Variants in PIN4 observed in about 807,000 individuals in gnomAD.
The protein encoded by PIN4 is peptidyl-prolyl cis-trans isomerase NIMA-interacting 4.
In PIN4, 3 loss-of-function variants were observed where a neutral mutation model predicts 8.3. The observed-to-expected ratio is 0.36, with a 90% CI of 0.16 to 0.93. The LOEUF (loss-of-function observed/expected upper bound fraction) is 0.93. PIN4 is among the 40% of genes least tolerant of loss of function. PIN4 has a pLI of 0.44. For missense variants in PIN4, 75 were observed against 100.6 expected (o/e 0.75, Z 1.09); for synonymous variants, 18 against 32.5 (o/e 0.55, Z 1.52).
chrX:72,194,996 A>G (rs2042756987), intron 2 of PIN4, among the ~76,000 whole-genome samples: 1 of 111,930 alleles, frequency 8.9e-6, no homozygotes, highest in Non-Finnish European at 1.9e-5. Flanking sequence ...AGGCTATGCC[A>G]TATAGCCTAG....
Position 72,228,101 on chromosome X carries a change from C to T in PIN4, c.312+31197C>T, listed in dbSNP as rs113372946. ...AAAAAGTTCTAAGTTGCTAGCCAAT[C>T]GGGACAAATACAGAATGTGAGGTCC... On this transcript the variant is annotated intron_variant, in intron 3 of 3. Coordinates refer to the PIN4 transcript ENST00000423432. 5.4e-3 allele frequency among the ~76,000 whole-genome samples: 600 copies of T among 111,916 alleles called. 3 individuals carry two copies. The highest frequency in any genetic ancestry group is 8.9e-3 in the Non-Finnish European group (472 of 53,171).
intron 3 of PIN4, among the ~76,000 whole-genome samples, chrX:72,254,255 C>A (rs2043099806): frequency 1.8e-5 from 2 of 111,767 alleles, no homozygotes; most frequent in South Asian, 7.5e-4. Flanking sequence ...CTTTTGCTGT[C>A]CCCTTGGCCA....
intron 3 of PIN4, chrX:72,208,247 T>C (rs2042832339): frequency 8.3e-7 from 1 of 1,210,061 alleles, no homozygotes; most frequent in Non-Finnish European, 1.1e-6. Flanking sequence ...TGAAAGGTTT[T>C]GACTCTCATT....
chrX:72,185,689 G>A (rs1460598935), intron 1 of PIN4, among the ~76,000 whole-genome samples: 1 of 112,399 alleles, frequency 8.9e-6, no homozygotes, highest in East Asian at 2.8e-4. Flanking sequence ...TACCATAGTA[G>A]TAAAATGACA....
chrX:72,218,534 C>G (rs2042900685), intron 3 of PIN4, among the ~76,000 whole-genome samples: 1 of 106,169 alleles, frequency 9.4e-6, no homozygotes, highest in Non-Finnish European at 1.9e-5. Flanking sequence ...CGCTCTGTCA[C>G]CCAGGCTGGA....
intron 3 of PIN4, among the ~76,000 whole-genome samples, chrX:72,209,957 T>G (rs2042843201): frequency 9.1e-6 from 1 of 110,369 alleles, no homozygotes; most frequent in East Asian, 2.8e-4. Context: ...GATCTAAATC[T>G]AAGGGCTAAA....
At chrX:72,217,428 T>C (rs1379168374) in intron 3 of PIN4, among the ~76,000 whole-genome samples, 1 of 111,834 alleles carries the variant, frequency 8.9e-6, no homozygotes, top group Non-Finnish European at 1.9e-5. Flanking sequence ...ATAATAAATA[T>C]TACAGAAAGC....
intron 3 of PIN4, among the ~76,000 whole-genome samples, chrX:72,222,888 G>A (rs892031143): frequency 6.5e-5 from 7 of 107,251 alleles, no homozygotes; most frequent in African/African-American, 2.4e-4. Flanking sequence ...GAGCCACTGC[G>A]CCCGGCCTGA....
chrX:72,221,436 G>A (rs184502044), intron 3 of PIN4, among the ~76,000 whole-genome samples: 13 of 110,730 alleles, frequency 1.2e-4, no homozygotes, highest in African/African-American at 4.3e-4. Context: ...AGAGGACGCC[G>A]GGTCTCTGTC....
chrX:72,202,226 T>G (rs781126354), downstream of PIN4, among the ~76,000 whole-genome samples: 1 of 112,815 alleles, frequency 8.9e-6, no homozygotes, highest in Admixed American at 9.4e-5. Context: ...GACACCTGAC[T>G]TCTTCTACCC....
intron 3 of PIN4, among the ~76,000 whole-genome samples, chrX:72,223,509 C>A (rs1161809418): frequency 9.4e-6 from 1 of 106,432 alleles, no homozygotes; most frequent in Non-Finnish European, 1.9e-5. Flanking sequence ...CCTGCCTCAG[C>A]CTCCCGAGTA....
chrX:72,222,298 T>A (rs1315933511), intron 3 of PIN4, among the ~76,000 whole-genome samples: 2 of 111,908 alleles, frequency 1.8e-5, no homozygotes, highest in African/African-American at 6.5e-5. Flanking sequence ...TAACTTGGCA[T>A]GATATTTATA....
At chrX:72,262,925 G>C (rs1435813260) in exon 4 of PIN4, 2 of 415,028 alleles carry the variant, frequency 4.8e-6, no homozygotes, top group East Asian at 8.3e-5. Flanking sequence ...TTTTGTTTTT[G>C]TTTTCAGAAA....
At chrX:72,254,706 A>C (rs777255308) in intron 3 of PIN4, among the ~76,000 whole-genome samples, 24 of 112,514 alleles carry the variant, frequency 2.1e-4, no homozygotes, top group Non-Finnish European at 3.7e-4. Flanking sequence ...ATTAGCAAAA[A>C]GTCTGATCTA....
intron 2 of PIN4, among the ~76,000 whole-genome samples, chrX:72,193,155 G>A (rs758931320): frequency 2.7e-5 from 3 of 111,405 alleles, no homozygotes; most frequent in East Asian, 5.6e-4. Context: ...ACTCTTTGTC[G>A]CACTGTCTAA....
chrX:72,220,980 G>T (rs1364415130), intron 3 of PIN4, among the ~76,000 whole-genome samples: 2 of 111,752 alleles, frequency 1.8e-5, no homozygotes, highest in East Asian at 5.6e-4. Context: ...TTAATTCCTG[G>T]ATCCTGAGGG....
chrX:72,182,434 C>G (rs1322191166), intron 1 of PIN4, among the ~76,000 whole-genome samples: 2 of 110,231 alleles, frequency 1.8e-5, no homozygotes, highest in Admixed American at 1.9e-4. Flanking sequence ...ATCCCAGCTA[C>G]TCGGGAGGCT....
At chrX:72,228,341 C>A (rs2147601027) in intron 3 of PIN4, among the ~76,000 whole-genome samples, 1 of 111,866 alleles carries the variant, frequency 8.9e-6, no homozygotes, top group East Asian at 2.8e-4. Flanking sequence ...AACAAAGGGA[C>A]CTTACCAAAT....
intron 2 of PIN4, among the ~76,000 whole-genome samples, chrX:72,191,457 A>G (rs1214951891): frequency 1.8e-5 from 2 of 111,369 alleles, no homozygotes; most frequent in African/African-American, 6.6e-5. Flanking sequence ...AGGCTGAGGC[A>G]GGAGAATCAC....
Sources: allele counts gnomAD v4.1 joint callset (sites outside exome capture counted in the v4.1 genomes callset), GRCh38; gene constraint gnomAD v4.1.1; transcripts MANE v1.5; gene names NCBI Gene and HGNC (gene_info 2026-07-23, HGNC 2026-07-21).